Variants in GLYATL1 observed in about 807,000 individuals in gnomAD.
GLYATL1 encodes the protein glycine-N-acyltransferase like 1.
Under a neutral mutation model 20.0 loss-of-function variants are expected in GLYATL1, and 15 were observed. That is an observed-to-expected ratio of 0.75 (90% CI 0.50 to 1.15). GLYATL1 has a LOEUF of 1.15. Ranked by LOEUF, GLYATL1 falls within the 50% of genes most tolerant of loss-of-function variation. GLYATL1 has a pLI of 0.00. For missense variants in GLYATL1, 380 were observed against 368.5 expected, an observed-to-expected ratio of 1.03 and a Z score of -0.26; for synonymous variants, 151 against 131.5, an observed-to-expected ratio of 1.15 and a Z score of -1.01.
At chr11:58,920,986 T>C (rs1482192187) in intron 1 of GLYATL1, among the ~76,000 whole-genome samples, 1 of 152,194 alleles carries the variant, frequency 6.6e-6, no homozygotes, top group East Asian at 1.9e-4. Flanking sequence ...TTTTCACTCA[T>C]GGACATACAA....
chr11:58,909,177 A>G (rs144696850), downstream of GLYATL1, among the ~76,000 whole-genome samples: 3 of 152,318 alleles, frequency 2.0e-5, no homozygotes, highest in African/African-American at 7.2e-5. Flanking sequence ...GACAGATCCT[A>G]ATGAATAATA....
chr11:58,949,132 A>AT (rs1365562293), intron 4 of GLYATL1, among the ~76,000 whole-genome samples: 3 of 152,274 alleles, frequency 2.0e-5, no homozygotes, highest in East Asian at 1.9e-4. Flanking sequence ...ACCTAGGTGT[A>AT]TTTTTTTCCT....
chr11:58,935,227 GT>G (rs1855776719), upstream of GLYATL1: 1 of 152,412 alleles, frequency 6.6e-6, no homozygotes, highest in African/African-American at 2.4e-5. Context: ...CCTGGGCTGT[GT>G]GATCTGGTCT....
At chr11:58,954,940 TTG>T (rs1031127596) in intron 5 of GLYATL1, 44 bp downstream of exon 5, 1 of 1,580,734 alleles carries the variant, frequency 6.3e-7, no homozygotes, top group African/African-American at 1.4e-5. Context: ...GCTTCTCAAA[TTG>T]TGTCTTCAAC....
At chr11:58,931,771 G>A (rs1033490237) in intron 1 of GLYATL1, among the ~76,000 whole-genome samples, 5 of 152,150 alleles carry the variant, frequency 3.3e-5, no homozygotes, top group South Asian at 2.1e-4. Context: ...TGTTTAACAC[G>A]TATGATGAAT....
At chr11:58,907,082 G>A (rs1412435281) in intron 1 of GLYATL1, among the ~76,000 whole-genome samples, 1 of 152,156 alleles carries the variant, frequency 6.6e-6, no homozygotes, top group Non-Finnish European at 1.5e-5. Flanking sequence ...ACAGGGAGAG[G>A]GTTGGAGGAA....
At position 58,954,796 on chromosome 11, in the gene GLYATL1, C is replaced by T; in HGVS notation, c.213C>T (p.Tyr71=). ...AGATGACTGATGACATGGATTCATACACAAACGTATATCGTATGTTCTCCA... is the reference window on the plus strand; with the variant it reads ...AGATGACTGATGACATGGATTCATATACAAACGTATATCGTATGTTCTCCA... The part of the protein sequence containing the change: ...KQEMTDDMDS[Y]TNVYRMFSKE... Residue 71 remains tyrosine (Y), a synonymous_variant, in exon 5 of 7, where the codon TAC becomes TAT. Transcript: ENST00000532726. 2 of 1,608,474 alleles carry T rather than the reference C, an allele frequency of 1.2e-6. No homozygotes were observed. Among genetic ancestry groups the T allele is most frequent in the Non-Finnish European group, 1.7e-6 (2 of 1,177,946 alleles).
intron 1 of GLYATL1, chr11:58,943,128 A>T: frequency 1.3e-6 from 1 of 759,370 alleles, no homozygotes; most frequent in Non-Finnish European, 1.9e-6. Context: ...CAAACTAATT[A>T]CAGCCTGAGA....
In GLYATL1 at chr11:58,955,522, G is replaced by T. The variant is rs994209190; in HGVS notation, c.492-88G>T. ...GCAATGGTGAGTCTTTAAACAAGAA[G>T]AGTTCCTGGGATCTCTAGATTGGGA... is the stretch of plus-strand genomic sequence containing the variant. On this transcript the variant is annotated intron_variant, in intron 6 of 6. Transcript: ENST00000532726. The T allele has an allele frequency of 5.6e-5, 81 of 1,454,090 alleles. No homozygotes were observed. In the African/African-American group the frequency reaches 1.1e-3, roughly 20 times the overall value. 90.1% of individuals were successfully genotyped at this position (1,454,090 alleles called of 1,614,324 possible).
At chr11:58,939,094 T>G (rs1031773316), upstream of GLYATL1, among the ~76,000 whole-genome samples, 4 of 152,116 alleles carry the variant, frequency 2.6e-5, no homozygotes, top group Non-Finnish European at 5.9e-5. Context: ...TGCTTGAAAC[T>G]TTTATTTGTT....
Position 58,947,880 on chromosome 11 carries a change from T to C in GLYATL1, c.101T>C (p.Ile34Thr). The C allele has an allele frequency of 1.9e-6, 3 of 1,613,486 alleles. No homozygotes were observed. In the African/African-American group the frequency reaches 4.0e-5, roughly 22 times the overall value. The change falls in exon 4 of 7, where the codon ATC becomes ACC. Residue 34 changes from isoleucine to threonine, a missense_variant. By Grantham distance (89) the Ile-to-Thr change is moderately conservative. Coordinates refer to ENST00000532726, the MANE Select transcript of GLYATL1 (RefSeq NM_001389712.2). ...SLKVYGSVYHINHGNPFNMEV... is the reference protein window; with the variant it reads ...SLKVYGSVYHTNHGNPFNMEV... ...CAGGTGTATGGCTCTGTGTATCACA[T>C]CAATCACGGGAACCCCTTCAACATG...
At chr11:58,940,386 T>C (rs989801091) in intron 1 of GLYATL1, among the ~76,000 whole-genome samples, 2 of 152,228 alleles carry the variant, frequency 1.3e-5, no homozygotes, top group Admixed American at 6.5e-5. Context: ...TCTATTTCAA[T>C]AGCTAGAGTT....
At chr11:58,937,040 C>G (rs1472451373), upstream of GLYATL1, among the ~76,000 whole-genome samples, 1 of 152,174 alleles carries the variant, frequency 6.6e-6, no homozygotes, top group Non-Finnish European at 1.5e-5. Flanking sequence ...AAACCCTCAT[C>G]CTTTTCTGAT....
chr11:58,935,631 G>A (rs905307917), upstream of GLYATL1: 8 of 152,026 alleles, frequency 5.3e-5, no homozygotes, highest in Non-Finnish European at 7.4e-5. Context: ...CCAGTTTCAC[G>A]GCATCCAATC....
At chr11:58,922,126 GA>G (rs1226792368) in intron 1 of GLYATL1, among the ~76,000 whole-genome samples, 1 of 152,224 alleles carries the variant, frequency 6.6e-6, no homozygotes, top group Non-Finnish European at 1.5e-5. Context: ...TCCTCTTCAA[GA>G]AATTGGCCCT....
intron 1 of GLYATL1, chr11:58,927,874 G>C (rs1855468471): frequency 6.6e-6 from 1 of 152,164 alleles, no homozygotes; most frequent in African/African-American, 2.4e-5. Context: ...TGGTGATTAG[G>C]GCCCAGGGAA....
At chr11:58,928,029 A>G (rs1855474609) in intron 1 of GLYATL1, among the ~76,000 whole-genome samples, 1 of 152,100 alleles carries the variant, frequency 6.6e-6, no homozygotes, top group Non-Finnish European at 1.5e-5. Flanking sequence ...TGATGTTTTT[A>G]AGATCTCTCC....
chr11:58,941,849 C>T (rs539854716), intron 1 of GLYATL1, among the ~76,000 whole-genome samples: 1 of 152,292 alleles, frequency 6.6e-6, no homozygotes, highest in Admixed American at 6.5e-5. Flanking sequence ...TTGGGAGTTG[C>T]TGCAGGAGTT....
upstream of GLYATL1, among the ~76,000 whole-genome samples, chr11:58,937,444 T>A (rs185372542): frequency 6.6e-6 from 1 of 152,212 alleles, no homozygotes; most frequent in East Asian, 1.9e-4. Flanking sequence ...GAGAAAAAAA[T>A]TCCCCAAGAT....
Sources: allele counts gnomAD v4.1 joint callset (sites outside exome capture counted in the v4.1 genomes callset), GRCh38; gene constraint gnomAD v4.1.1; transcripts MANE v1.5; gene names NCBI Gene and HGNC (gene_info 2026-07-23, HGNC 2026-07-21).